The following ZC3H12C variants were observed in gnomAD, a reference collection of about 807,000 sequenced individuals.
The protein encoded by ZC3H12C is zinc finger CCCH-type containing 12C.
In ZC3H12C, 20 loss-of-function variants were observed where a neutral mutation model predicts 76.3. The ratio of observed to expected loss-of-function variants is 0.26; its 90% confidence interval spans 0.18 to 0.38. The LOEUF is 0.38. ZC3H12C is among the 10% of genes least tolerant of loss of function. ZC3H12C has a pLI of 1.00. For synonymous variants in ZC3H12C, 352 were observed against 399.6 expected, an observed-to-expected ratio of 0.88 and a Z score of 1.42; for missense variants, 874 against 1,086.5, an observed-to-expected ratio of 0.80 and a Z score of 2.75.
chr11:110,124,562 C>T (rs1789369), intron 1 of ZC3H12C, among the ~76,000 whole-genome samples: 107,785 of 152,092 alleles, frequency 0.71, 38,496 homozygotes, highest in East Asian at 0.89. Flanking sequence ...CAATAAAAAC[C>T]GAACTAGTCC....
In ZC3H12C at chr11:110,121,704, G is replaced by A. The variant is rs186931686; in HGVS notation, c.22-14959G>A. 1.4e-3 allele frequency among the ~76,000 whole-genome samples: 219 copies of A among 152,004 alleles called. 2 individuals carry two copies. Among genetic ancestry groups the A allele is most frequent in the Non-Finnish European group, 2.7e-3 (181 of 67,984 alleles). ...GAGGCCATTGGAAATTATAACTCAA[G>A]CTTTTCATTTTCCCATCTTACAAGA... On this transcript the variant is annotated intron_variant, in intron 1 of 5. Coordinates refer to ENST00000278590, the MANE Select transcript of ZC3H12C (RefSeq NM_033390.2).
chr11:110,138,092 A>G (rs1279469652), intron 2 of ZC3H12C, among the ~76,000 whole-genome samples: 1 of 151,944 alleles, frequency 6.6e-6, no homozygotes, highest in African/African-American at 2.4e-5. Flanking sequence ...CTCTACCTAT[A>G]GCAAAATATA....
In ZC3H12C at chr11:110,135,472, A is replaced by T. The variant is rs1591474702; in HGVS notation, c.22-1191A>T. Among the ~76,000 whole-genome samples the T allele has an allele frequency of 2.3e-5, 3 of 132,352 alleles. No homozygotes were observed. The East Asian group carries it at 6.6e-4, about 29-fold the overall frequency. The allele number at this position is 132,352 out of a possible 152,430, so 86.8% of individuals were successfully genotyped here. A position where few individuals can be genotyped will look rare whatever the true frequency, so the allele number is the denominator to read the frequency against. The stretch of plus-strand genomic sequence containing the variant: ...ACCGCTGCACTCCAGCCTGGGCAAC[A>T]GAGTGAGACTCCCGTCTCAAAAAAA... On this transcript the variant is annotated intron_variant, in intron 1 of 5. Transcript: ENST00000278590.
At chr11:110,121,213 G>T (rs1861645489) in intron 1 of ZC3H12C, among the ~76,000 whole-genome samples, 3 of 152,204 alleles carry the variant, frequency 2.0e-5, no homozygotes, top group Non-Finnish European at 4.4e-5. Context: ...TGTGAGGGAA[G>T]TAAACAAATA....
At chr11:110,162,677 G>T (rs556232864) in intron 4 of ZC3H12C, among the ~76,000 whole-genome samples, 1 of 152,232 alleles carries the variant, frequency 6.6e-6, no homozygotes, top group South Asian at 2.1e-4. Context: ...AGATCTAATT[G>T]AATCTTGACT....
chr11:110,115,881 C>G (rs535467139), intron 1 of ZC3H12C, among the ~76,000 whole-genome samples: 3 of 151,978 alleles, frequency 2.0e-5, no homozygotes, highest in Admixed American at 2.0e-4. Context: ...CTGCCTCAGC[C>G]TCACAAGTAG....
intron 1 of ZC3H12C, among the ~76,000 whole-genome samples, chr11:110,117,958 C>CATATATATATT (rs370179673): frequency 1.2e-5 from 1 of 82,756 alleles, no homozygotes; most frequent in Non-Finnish European, 2.4e-5. Context: ...TATACACACA[C>CATATATATATT]ATATATACAC....
At position 110,137,469 on chromosome 11, in the gene ZC3H12C, A is replaced by G. The variant is rs528719371; in HGVS notation, c.773+55A>G. 1,819 of 1,500,206 alleles carry G rather than the reference A, an allele frequency of 1.2e-3. 24 individuals are homozygous for G. In the South Asian group the frequency reaches 0.024, roughly 19 times the overall value. The allele number at this position is 1,500,206 out of a possible 1,614,324, so 92.9% of individuals were successfully genotyped here. On this transcript the variant is annotated intron_variant, in intron 2 of 5. Coordinates refer to ENST00000278590, the MANE Select transcript of ZC3H12C (RefSeq NM_033390.2). ...CTACCAAATAATCTTTAAAAGCCTTATTTCTAATTTTGTGGCTCTTTTCCT... is the reference window on the plus strand; with the variant it reads ...CTACCAAATAATCTTTAAAAGCCTTGTTTCTAATTTTGTGGCTCTTTTCCT...
chr11:110,136,562 A>G, intron 1 of ZC3H12C, 101 bp from the exon 2 acceptor site: 2 of 1,297,044 alleles, frequency 1.5e-6, no homozygotes, highest in Non-Finnish European at 2.1e-6. Flanking sequence ...GACAAAATAC[A>G]AAGTATTTTG....
intron 3 of ZC3H12C, among the ~76,000 whole-genome samples, chr11:110,156,845 G>A (rs75659600): frequency 7.9e-5 from 12 of 152,198 alleles, no homozygotes; most frequent in East Asian, 1.9e-4. Context: ...TAATTGAGAC[G>A]GGGCACTTGC....
rs969958163 is a variant in ZC3H12C at position 110,168,340 on chromosome 11, G to A, written c.*2603G>A. 7 of 151,940 alleles carry A rather than the reference G, an allele frequency of 4.6e-5. No homozygotes were observed. The highest frequency in any genetic ancestry group is 8.8e-5 in the Non-Finnish European group (6 of 67,964). The allele number at this position is 151,940 out of a possible 1,614,324, so 9.4% of individuals were successfully genotyped here. Reference sequence around the variant, plus strand: ...GTTTGTCCCCTTTTTTTGAAGCACCGATGTTGCGTTCAGAGCTGTAGAATG... The same window carrying A: ...GTTTGTCCCCTTTTTTTGAAGCACCAATGTTGCGTTCAGAGCTGTAGAATG... On this transcript the variant is annotated 3_prime_UTR_variant, in exon 6 of 6. Coordinates refer to ENST00000278590, the MANE Select transcript of ZC3H12C (RefSeq NM_033390.2).
At chr11:110,139,753 T>C (rs1565261460) in intron 2 of ZC3H12C, among the ~76,000 whole-genome samples, 1 of 152,194 alleles carries the variant, frequency 6.6e-6, no homozygotes, top group Non-Finnish European at 1.5e-5. Context: ...ACCATGCCTG[T>C]ATACCAGAAT....
intron 1 of ZC3H12C, among the ~76,000 whole-genome samples, chr11:110,123,167 G>A (rs761264435): frequency 2.0e-5 from 3 of 152,186 alleles, no homozygotes; most frequent in Non-Finnish European, 4.4e-5. Context: ...GGGGACTACC[G>A]AATGTCCTCT....
At chr11:110,152,414 T>C (rs1862288741) in intron 2 of ZC3H12C, among the ~76,000 whole-genome samples, 2 of 152,260 alleles carry the variant, frequency 1.3e-5, no homozygotes, top group African/African-American at 4.8e-5. Context: ...TTGTTTTACA[T>C]TGGTCACCTG....
At chr11:110,103,705 A>C (rs1861263251) in intron 1 of ZC3H12C, among the ~76,000 whole-genome samples, 1 of 151,130 alleles carries the variant, frequency 6.6e-6, no homozygotes, top group South Asian at 2.1e-4. Flanking sequence ...TCTCGGGTTC[A>C]TGCCACTCTC....
At chr11:110,126,208 G>A (rs1455483086) in intron 1 of ZC3H12C, among the ~76,000 whole-genome samples, 1 of 66,908 alleles carries the variant, frequency 1.5e-5, no homozygotes, top group South Asian at 4.2e-4. Flanking sequence ...AGTAGTTGTT[G>A]TTTTCTTCTT....
chr11:110,093,400 G>A lies in ZC3H12C; in HGVS notation c.-12G>A, dbSNP rs1477963659. 8.4e-7 allele frequency: 1 copy of A among 1,191,600 alleles called. No individual in the cohort carries two copies. The highest frequency in any genetic ancestry group is 3.7e-5 in the East Asian group (1 of 26,772). The allele number at this position is 1,191,600 out of a possible 1,614,324, so 73.8% of individuals were successfully genotyped here. A position where few individuals can be genotyped will look rare whatever the true frequency, so the allele number is the denominator to read the frequency against. On this transcript the variant is annotated 5_prime_UTR_variant, in exon 1 of 6. Coordinates refer to ENST00000278590, the MANE Select transcript of ZC3H12C (RefSeq NM_033390.2). ...CCCGCCGCCCGCTCGCCGCTTTCTC[G>A]CGGGGCTGGCTATGCCGGGTGGCGG...
rs74829162 is a variant in ZC3H12C at position 110,096,187 on chromosome 11, T to A, written c.21+2755T>A. Among the ~76,000 whole-genome samples, 1,197 of 152,334 alleles carry A rather than the reference T, an allele frequency of 7.9e-3. 21 individuals carry two copies. Among genetic ancestry groups the A allele is most frequent in the African/African-American group, 0.028 (1,144 of 41,572 alleles). On this transcript the variant is annotated intron_variant, in intron 1 of 5. Coordinates refer to ENST00000278590, the MANE Select transcript of ZC3H12C (RefSeq NM_033390.2). Reference sequence around the variant, plus strand: ...AAGGATGATCAATCAAGAATGTGATTTTTTAAGAAAGATCTATTTCACCCC... The same window carrying A: ...AAGGATGATCAATCAAGAATGTGATATTTTAAGAAAGATCTATTTCACCCC...
intron 1 of ZC3H12C, among the ~76,000 whole-genome samples, chr11:110,112,083 T>A (rs1861442194): frequency 6.6e-6 from 1 of 152,188 alleles, no homozygotes; most frequent in Non-Finnish European, 1.5e-5. Flanking sequence ...AGGACTGCTG[T>A]CCTTATAATA....
Sources: gnomAD v4.1 joint callset for allele counts (sites outside exome capture counted in the v4.1 genomes callset) on GRCh38, gnomAD v4.1.1 for gene constraint, MANE v1.5 for transcripts, NCBI Gene and HGNC (gene_info 2026-07-23, HGNC 2026-07-21) for gene names.